Variants in FLT1 observed in about 807,000 individuals in gnomAD.
The protein encoded by FLT1 is fms related receptor tyrosine kinase 1.
A neutral mutation model predicts 156.3 loss-of-function variants in FLT1; 49 were observed. The ratio of observed to expected loss-of-function variants is 0.31; its 90% confidence interval spans 0.25 to 0.40. The LOEUF is 0.40. FLT1 is among the 10% of genes least tolerant of loss of function. FLT1 has a pLI of 1.00. For synonymous variants in FLT1, 594 were observed against 583.8 expected (o/e 1.02, Z -0.25); for missense variants, 1,322 against 1,637.2 (o/e 0.81, Z 3.32).
intron 28 of FLT1, chr13:28,308,407 C>G (rs779758960): frequency 2.0e-4 from 54 of 266,892 alleles, no homozygotes; most frequent in Non-Finnish European, 3.8e-4. Context: ...GCTGTTCAAT[C>G]TGTAGAACCT....
intron 1 of FLT1, among the ~76,000 whole-genome samples, chr13:28,473,819 AAAGAAAGAAAGAAAGAAAGGAAG>A (rs1880377390): frequency 8.1e-6 from 1 of 124,094 alleles, no homozygotes; most frequent in African/African-American, 3.5e-5. Context: ...AGAAAGAAAG[AAAGAAAGAAAGAAAGAAAGGAAG>A]AAAGAAAGAA....
chr13:28,315,148 A>T (rs1871148434), intron 25 of FLT1, among the ~76,000 whole-genome samples: 1 of 152,232 alleles, frequency 6.6e-6, no homozygotes, highest in African/African-American at 2.4e-5. Context: ...GGATCATGGT[A>T]GTCCTACTTT....
chr13:28,363,764 C>A (rs569078724), intron 14 of FLT1, among the ~76,000 whole-genome samples: 1 of 152,220 alleles, frequency 6.6e-6, no homozygotes, highest in Non-Finnish European at 1.5e-5. Context: ...TAGGCGCCCA[C>A]CACTGCATCT....
chr13:28,419,609 G>A (rs894431790), intron 10 of FLT1, among the ~76,000 whole-genome samples: 1 of 152,236 alleles, frequency 6.6e-6, no homozygotes, highest in Admixed American at 6.5e-5. Flanking sequence ...GCCGGGTGCG[G>A]TGGCTCATGC....
intron 17 of FLT1, among the ~76,000 whole-genome samples, chr13:28,338,358 C>G (rs1218190230): frequency 1.3e-5 from 2 of 151,944 alleles, no homozygotes; most frequent in African/African-American, 4.8e-5. Flanking sequence ...CTGGCATACA[C>G]AGGAGTGAGT....
At chr13:28,308,431 C>T (rs1394758466) in intron 28 of FLT1, 2 of 289,818 alleles carry the variant, frequency 6.9e-6, no homozygotes, top group African/African-American at 4.3e-5. Context: ...GGGAAAGGAG[C>T]ATAAGGCTTA....
intron 28 of FLT1, among the ~76,000 whole-genome samples, chr13:28,307,511 C>T (rs1043767020): frequency 2.6e-5 from 4 of 151,972 alleles, no homozygotes; most frequent in Admixed American, 6.6e-5. Context: ...TTCCCTTGGC[C>T]TTGAAAAAAA....
At chr13:28,350,211 G>A (rs183016342) in intron 15 of FLT1, among the ~76,000 whole-genome samples, 2 of 152,322 alleles carry the variant, frequency 1.3e-5, no homozygotes, top group African/African-American at 4.8e-5. Context: ...CATGGCTCCC[G>A]CATGATGTGC....
At chr13:28,407,615 C>T (rs1255056650) in intron 10 of FLT1, among the ~76,000 whole-genome samples, 3 of 151,980 alleles carry the variant, frequency 2.0e-5, no homozygotes, top group South Asian at 2.1e-4. Context: ...TCAGATTTCC[C>T]CAAATGTTTT....
At chr13:28,376,313 C>T (rs372660181) in intron 14 of FLT1, among the ~76,000 whole-genome samples, 20 of 152,278 alleles carry the variant, frequency 1.3e-4, no homozygotes, top group East Asian at 1.2e-3. Flanking sequence ...CCTGCTCCAC[C>T]CTCAGTCTGT....
At chr13:28,473,787 A>AAAG (rs1880361253) in intron 1 of FLT1, among the ~76,000 whole-genome samples, 1 of 113,974 alleles carries the variant, frequency 8.8e-6, no homozygotes, top group Non-Finnish European at 1.8e-5. Context: ...GGAAAGAAAG[A>AAAG]AAGAAAGAAA....
chr13:28,376,686 G>C (rs1471063398), intron 14 of FLT1, among the ~76,000 whole-genome samples: 2 of 152,196 alleles, frequency 1.3e-5, no homozygotes, highest in Non-Finnish European at 2.9e-5. Flanking sequence ...CTGTGAAGAG[G>C]GTTGCCAGTA....
intron 24 of FLT1, among the ~76,000 whole-genome samples, chr13:28,318,166 T>C (rs1593675026): frequency 6.6e-6 from 1 of 152,126 alleles, no homozygotes; most frequent in African/African-American, 2.4e-5. Flanking sequence ...TGGGATAGGC[T>C]ACATAGGAAT....
chr13:28,381,949 A>C (rs1302672120), intron 14 of FLT1, among the ~76,000 whole-genome samples: 2 of 152,224 alleles, frequency 1.3e-5, no homozygotes, highest in Non-Finnish European at 2.9e-5. Context: ...ATTGTCAAGT[A>C]CTGTGTTAGG....
intron 15 of FLT1, among the ~76,000 whole-genome samples, chr13:28,346,452 G>A (rs1201138916): frequency 6.6e-6 from 1 of 152,094 alleles, no homozygotes; most frequent in Non-Finnish European, 1.5e-5. Context: ...GGGCATGGTG[G>A]CTCGCATCTG....
intron 23 of FLT1, among the ~76,000 whole-genome samples, chr13:28,319,807 A>T (rs1871366539): frequency 6.6e-6 from 1 of 152,128 alleles, no homozygotes; most frequent in Non-Finnish European, 1.5e-5. Flanking sequence ...TCTGTGAGAA[A>T]TCCTCCCCCA....
chr13:28,359,311 G>A (rs1476697921), intron 14 of FLT1, among the ~76,000 whole-genome samples: 3 of 152,186 alleles, frequency 2.0e-5, no homozygotes, highest in Non-Finnish European at 4.4e-5. Context: ...AATAAGTGGT[G>A]TTGGGAAAAC....
intron 14 of FLT1, among the ~76,000 whole-genome samples, chr13:28,367,784 G>A (rs1163065387): frequency 6.6e-6 from 1 of 152,170 alleles, no homozygotes; most frequent in African/African-American, 2.4e-5. Context: ...TTGTTGCTCA[G>A]TTGACTATAT....
chr13:28,491,007 G>A (rs1474352204), intron 1 of FLT1, among the ~76,000 whole-genome samples: 6 of 152,198 alleles, frequency 3.9e-5, no homozygotes, highest in Non-Finnish European at 7.3e-5. Context: ...TCAGTTTAAA[G>A]CACTACAGAA....
Sources: allele counts gnomAD v4.1 joint callset (sites outside exome capture counted in the v4.1 genomes callset), GRCh38; gene constraint gnomAD v4.1.1; transcripts MANE v1.5; gene names NCBI Gene and HGNC (gene_info 2026-07-23, HGNC 2026-07-21).